KCNQ5: variants seen among roughly 807,000 people sequenced by gnomAD.
KCNQ5 encodes potassium voltage-gated channel subfamily Q member 5, also known as potassium voltage-gated channel subfamily KQT member 5.
KCNQ5 carries 30 observed loss-of-function variants against 98.2 expected under a neutral mutation model. The ratio of observed to expected loss-of-function variants is 0.31; its 90% CI spans 0.23 to 0.41. KCNQ5 has a LOEUF of 0.41. KCNQ5 is among the 10% of genes least tolerant of loss of function. KCNQ5 has a pLI of 1.00. For missense variants in KCNQ5, 835 were observed against 1,182.5 expected (o/e 0.71, Z 4.31); for synonymous variants, 458 against 449.4 (o/e 1.02, Z -0.24).
At chr6:72,785,113 G>A (rs1393444064) in intron 1 of KCNQ5, among the ~76,000 whole-genome samples, 1 of 152,186 alleles carries the variant, frequency 6.6e-6, no homozygotes, top group African/African-American at 2.4e-5. Flanking sequence ...CTTTCATTTA[G>A]CATCTCATGA....
chr6:72,794,110 G>A (rs144722785), intron 1 of KCNQ5, among the ~76,000 whole-genome samples: 1,884 of 152,274 alleles, frequency 0.012, 18 homozygotes, highest in Middle Eastern at 0.024. Context: ...TAGTAGCTGC[G>A]CACACAAATT....
intron 1 of KCNQ5, among the ~76,000 whole-genome samples, chr6:72,694,291 GC>G (rs1400601851): frequency 1.3e-5 from 2 of 152,110 alleles, no homozygotes; most frequent in Non-Finnish European, 2.9e-5. Flanking sequence ...ATAAAGTTGT[GC>G]CCCCCTGTGG....
At chr6:73,140,650 CT>C (rs1471638962) in intron 10 of KCNQ5, among the ~76,000 whole-genome samples, 1 of 152,194 alleles carries the variant, frequency 6.6e-6, no homozygotes, top group African/African-American at 2.4e-5. Context: ...TTGAGAATGA[CT>C]GGATCTAAAC....
chr6:72,885,817 A>C (rs1231891832), intron 1 of KCNQ5, among the ~76,000 whole-genome samples: 1 of 152,154 alleles, frequency 6.6e-6, no homozygotes, highest in Non-Finnish European at 1.5e-5. Flanking sequence ...CTTAAGGGCA[A>C]TTGCTGCAAA....
At chr6:73,185,242 G>A (rs901451263) in intron 11 of KCNQ5, among the ~76,000 whole-genome samples, 6 of 152,160 alleles carry the variant, frequency 3.9e-5, no homozygotes, top group African/African-American at 1.4e-4. Context: ...GCAGTGGCAA[G>A]ACTGTCAAGG....
intron 1 of KCNQ5, among the ~76,000 whole-genome samples, chr6:72,623,391 A>AGTGTGTGTGTGTGTGTGTGTGTGTGT (rs1214797915): frequency 4.2e-5 from 6 of 143,040 alleles, no homozygotes; most frequent in African/African-American, 1.1e-4. Context: ...GGAGTCAAAG[A>AGTGTGTGTGTGTGTGTGTGTGTGTGT]GTGTGTGTGT....
intron 11 of KCNQ5, among the ~76,000 whole-genome samples, chr6:73,181,454 T>C (rs2350385): frequency 0.43 from 65,035 of 152,090 alleles, 15,940 homozygotes; most frequent in East Asian, 0.66. Context: ...TGAATATTCA[T>C]GAAAGAAAGG....
chr6:72,707,835 T>C (rs77277884), intron 1 of KCNQ5, among the ~76,000 whole-genome samples: 5 of 152,276 alleles, frequency 3.3e-5, no homozygotes, highest in African/African-American at 7.2e-5. Context: ...TACATCAGCC[T>C]TCTGAGTAGC....
intron 1 of KCNQ5, among the ~76,000 whole-genome samples, chr6:72,657,911 A>G (rs980531915): frequency 1.3e-5 from 2 of 152,246 alleles, no homozygotes; most frequent in Non-Finnish European, 2.9e-5. Flanking sequence ...GGTCCACAGA[A>G]TCTGATGCAT....
chr6:72,760,038 A>G (rs959058440), intron 1 of KCNQ5, among the ~76,000 whole-genome samples: 4 of 152,126 alleles, frequency 2.6e-5, no homozygotes, highest in African/African-American at 9.6e-5. Flanking sequence ...AGCAGAATGT[A>G]CTGAAACATT....
At chr6:73,087,090 T>A (rs1315024543) in intron 5 of KCNQ5, among the ~76,000 whole-genome samples, 2 of 152,136 alleles carry the variant, frequency 1.3e-5, no homozygotes, top group East Asian at 3.8e-4. Flanking sequence ...CAGCTAGCCA[T>A]TGAAGGATTT....
chr6:72,697,414 T>C, intron 1 of KCNQ5, among the ~76,000 whole-genome samples: 1 of 152,192 alleles, frequency 6.6e-6, no homozygotes, highest in East Asian at 1.9e-4. Context: ...CAGCTTCTTC[T>C]CTGAAATCTG....
intron 1 of KCNQ5, among the ~76,000 whole-genome samples, chr6:72,702,570 T>G (rs1394451955): frequency 6.6e-6 from 1 of 152,200 alleles, no homozygotes. Context: ...TCCCTTTGTT[T>G]TGTTCCACTC....
intron 1 of KCNQ5, among the ~76,000 whole-genome samples, chr6:72,995,779 C>G (rs1452444190): frequency 6.6e-6 from 1 of 152,146 alleles, no homozygotes; most frequent in Non-Finnish European, 1.5e-5. Flanking sequence ...AATATAAAGA[C>G]TTTCCAGAAA....
intron 1 of KCNQ5, among the ~76,000 whole-genome samples, chr6:72,669,760 A>G (rs534158399): frequency 6.6e-6 from 1 of 152,130 alleles, no homozygotes; most frequent in Non-Finnish European, 1.5e-5. Context: ...TCAAACTGGC[A>G]GAGTCTCTGC....
At chr6:72,860,198 A>G (rs1044822413) in intron 1 of KCNQ5, among the ~76,000 whole-genome samples, 3 of 152,166 alleles carry the variant, frequency 2.0e-5, no homozygotes, top group Non-Finnish European at 1.5e-5. Context: ...GCACGATGAC[A>G]CTTCTCCAGC....
Position 73,063,732 on chromosome 6 carries a change from TAGATA to T in KCNQ5, c.617-13589_617-13585del, listed in dbSNP as rs1345215571. On this transcript the variant is annotated intron_variant, in intron 3 of 13. Transcript: ENST00000370398. ...GATAGATAGATAGATGATAGATAGATAGATAGATAGATAGATAGATAGATAGATAG... is the reference window on the plus strand; with the variant it reads ...GATAGATAGATAGATGATAGATAGATGATAGATAGATAGATAGATAGATAG... 9.5e-3 allele frequency among the ~76,000 whole-genome samples: 1,115 copies of T among 116,836 alleles called. 13 individuals are homozygous for T. Among genetic ancestry groups the T allele is most frequent in the Non-Finnish European group, 0.014 (700 of 50,346 alleles). 76.6% of individuals were successfully genotyped at this position (116,836 alleles called of 152,430 possible). A position where few individuals can be genotyped will look rare whatever the true frequency, so the allele number is the denominator to read the frequency against.
intron 1 of KCNQ5, among the ~76,000 whole-genome samples, chr6:72,729,665 C>G (rs949715099): frequency 6.6e-6 from 1 of 152,178 alleles, no homozygotes; most frequent in Non-Finnish European, 1.5e-5. Context: ...AAGAGGGCTT[C>G]TTTATCTACA....
chr6:72,804,653 T>C (rs1373882513), intron 1 of KCNQ5, among the ~76,000 whole-genome samples: 1 of 152,180 alleles, frequency 6.6e-6, no homozygotes, highest in Non-Finnish European at 1.5e-5. Flanking sequence ...TTCAGTATAC[T>C]GATTTCCTTT....
Sources: gnomAD v4.1 joint callset for allele counts (sites outside exome capture counted in the v4.1 genomes callset) on GRCh38, gnomAD v4.1.1 for gene constraint, MANE v1.5 for transcripts, NCBI Gene and HGNC (gene_info 2026-07-23, HGNC 2026-07-21) for gene names.